The following PPARGC1A variants were observed in gnomAD, a reference collection of about 807,000 sequenced individuals.
The protein encoded by PPARGC1A is peroxisome proliferator-activated receptor gamma coactivator 1-alpha.
In PPARGC1A, 25 loss-of-function variants were observed where a neutral mutation model predicts 88.7. The ratio of observed to expected loss-of-function variants is 0.28; its 90% CI spans 0.21 to 0.39. The LOEUF (loss-of-function observed/expected upper bound fraction) is 0.39, where lower values mean the gene tolerates loss of function less well. PPARGC1A is among the 10% of genes least tolerant of loss of function. The probability of loss-of-function intolerance (pLI) is 1.00; values close to 1 mark genes in which losing one functional copy is unlikely to be tolerated. For synonymous variants in PPARGC1A, 363 were observed against 355.6 expected, an observed-to-expected ratio of 1.02 and a Z score of -0.24; for missense variants, 880 against 968.7, an observed-to-expected ratio of 0.91 and a Z score of 1.22.
the PPARGC1A span, among the ~76,000 whole-genome samples, chr4:24,329,739 C>G: frequency 6.6e-5 from 10 of 152,332 alleles, no homozygotes; most frequent in Middle Eastern, 3.4e-3. Context: ...GGGACTTTGT[C>G]TATCATATAC....
the PPARGC1A span, among the ~76,000 whole-genome samples, chr4:24,471,143 C>T: frequency 6.6e-6 from 1 of 151,826 alleles, no homozygotes; most frequent in Admixed American, 6.6e-5. This position sits in a 1 kb window ranked among gnomAD's most constrained non-coding sequence, Gnocchi z 5.4. Flanking sequence ...GAGCTCTTTT[C>T]CTCGACACCC....
the PPARGC1A span, among the ~76,000 whole-genome samples, chr4:23,995,635 T>G: frequency 2.0e-5 from 3 of 152,154 alleles, no homozygotes; most frequent in Non-Finnish European, 4.4e-5. Context: ...TACACAGGCC[T>G]GGAACCCTCA....
At chr4:24,265,772 T>A in the PPARGC1A span, among the ~76,000 whole-genome samples, 10 of 151,868 alleles carry the variant, frequency 6.6e-5, no homozygotes, top group East Asian at 1.6e-3. Flanking sequence ...CGAAAATTGT[T>A]CCTCACGTGC....
chr4:24,397,986 T>C, the PPARGC1A span, among the ~76,000 whole-genome samples: 76 of 152,348 alleles, frequency 5.0e-4, no homozygotes, highest in African/African-American at 1.7e-3. Context: ...ATGTGTCTCA[T>C]CTAAACCAGT....
intron 10 of PPARGC1A, among the ~76,000 whole-genome samples, chr4:23,807,809 C>A (rs948732057): frequency 2.0e-5 from 3 of 151,620 alleles, no homozygotes; most frequent in Admixed American, 6.6e-5. Flanking sequence ...TTAAAGTGTA[C>A]AATAGCATAA....
intron 2 of PPARGC1A, among the ~76,000 whole-genome samples, chr4:23,844,430 T>A (rs1270881307): frequency 7.8e-6 from 1 of 128,326 alleles, no homozygotes; most frequent in Non-Finnish European, 1.6e-5. Flanking sequence ...ATATATTATA[T>A]ATATTATATA....
At chr4:23,945,705 C>T in the PPARGC1A span, among the ~76,000 whole-genome samples, 2 of 152,280 alleles carry the variant, frequency 1.3e-5, no homozygotes, top group Non-Finnish European at 2.9e-5. Context: ...AGGCACAAAG[C>T]CTGCCTTATA....
At chr4:24,155,936 A>G in the PPARGC1A span, among the ~76,000 whole-genome samples, 2 of 152,198 alleles carry the variant, frequency 1.3e-5, no homozygotes, top group African/African-American at 4.8e-5. Flanking sequence ...GGGTCCATGC[A>G]AAATGAGAAT....
chr4:23,892,544 G>GTTT (rs34009315), upstream of PPARGC1A, among the ~76,000 whole-genome samples: 2 of 144,098 alleles, frequency 1.4e-5, no homozygotes, highest in Non-Finnish European at 1.5e-5. Flanking sequence ...CTTCAGTCCA[G>GTTT]TTTTTTTTTT....
the PPARGC1A span, among the ~76,000 whole-genome samples, chr4:23,937,080 C>A: frequency 4.0e-5 from 6 of 151,678 alleles, no homozygotes; most frequent in African/African-American, 1.5e-4. Flanking sequence ...GCTAAGGCAA[C>A]AAACCACTAA....
the PPARGC1A span, among the ~76,000 whole-genome samples, chr4:24,305,868 G>T: frequency 1.3e-5 from 2 of 152,202 alleles, no homozygotes; most frequent in East Asian, 1.9e-4. Context: ...CTGGGTCCTC[G>T]TGCCCTGGGT....
At chr4:23,855,098 A>C (rs1012432652) in intron 2 of PPARGC1A, among the ~76,000 whole-genome samples, 2 of 151,692 alleles carry the variant, frequency 1.3e-5, no homozygotes, top group Non-Finnish European at 2.9e-5. Flanking sequence ...ATAAGGGGAA[A>C]CCCCTTTCAC....
the PPARGC1A span, among the ~76,000 whole-genome samples, chr4:24,353,491 T>A: frequency 6.6e-6 from 1 of 152,192 alleles, no homozygotes; most frequent in African/African-American, 2.4e-5. Flanking sequence ...TTTTCTTGTT[T>A]ACTGTAGCGA....
chr4:24,067,784 T>C, the PPARGC1A span, among the ~76,000 whole-genome samples: 1 of 152,166 alleles, frequency 6.6e-6, no homozygotes, highest in African/African-American at 2.4e-5. Context: ...GGAGTTCCCA[T>C]CTCGAGCACT....
chr4:24,145,195 T>C, the PPARGC1A span, among the ~76,000 whole-genome samples: 4 of 152,182 alleles, frequency 2.6e-5, no homozygotes, highest in African/African-American at 7.2e-5. Context: ...ATAACCGTCC[T>C]ATAAGCTCCA....
At chr4:24,101,454 A>G in the PPARGC1A span, among the ~76,000 whole-genome samples, 4 of 152,196 alleles carry the variant, frequency 2.6e-5, no homozygotes, top group Non-Finnish European at 5.9e-5. Context: ...TTTATTTCAG[A>G]TTTTAAGTGT....
chr4:24,270,147 C>T, the PPARGC1A span, among the ~76,000 whole-genome samples: 6 of 152,142 alleles, frequency 3.9e-5, no homozygotes, highest in Non-Finnish European at 7.4e-5. Flanking sequence ...CCTTCAGATT[C>T]AGACTGGAAT....
chr4:24,230,127 T>C, the PPARGC1A span, among the ~76,000 whole-genome samples: 7 of 152,222 alleles, frequency 4.6e-5, no homozygotes, highest in African/African-American at 1.2e-4. Flanking sequence ...GTTATTACCA[T>C]TGCAATCCTA....
At chr4:23,947,483 G>A in the PPARGC1A span, among the ~76,000 whole-genome samples, 104 of 150,316 alleles carry the variant, frequency 6.9e-4, no homozygotes, top group Non-Finnish European at 1.1e-3. Context: ...GTGAAGCTAG[G>A]ATTTGAACTG....
Sources: gnomAD v4.1 joint callset for allele counts (sites outside exome capture counted in the v4.1 genomes callset) on GRCh38, gnomAD v4.1.1 for gene constraint, Gnocchi (gnomAD v3.1) non-coding constraint, MANE v1.5 for transcripts, NCBI Gene and HGNC (gene_info 2026-07-23, HGNC 2026-07-21) for gene names.